Variants in SYNJ2BP observed in about 807,000 individuals in gnomAD.
SYNJ2BP encodes synaptojanin-2-binding protein.
SYNJ2BP carries 10 observed loss-of-function variants against 16.9 expected under a neutral mutation model. The ratio of observed to expected loss-of-function variants is 0.59; its 90% CI spans 0.36 to 1.00. SYNJ2BP has a LOEUF of 1.00. Ranked by LOEUF, SYNJ2BP falls within the 50% of genes least tolerant of loss-of-function variation. The pLI is 0.01. For synonymous variants in SYNJ2BP, 54 were observed against 68.4 expected, an observed-to-expected ratio of 0.79 and a Z score of 1.04; for missense variants, 162 against 186.7, an observed-to-expected ratio of 0.87 and a Z score of 0.77.
intron 1 of SYNJ2BP, among the ~76,000 whole-genome samples, chr14:70,400,071 A>G (rs1383968509): frequency 6.6e-6 from 1 of 152,236 alleles, no homozygotes; most frequent in Non-Finnish European, 1.5e-5. Context: ...CAAAAAGTCA[A>G]AAAGGATTAT....
chr14:70,385,122 G>C (rs1162437977), intron 2 of SYNJ2BP, among the ~76,000 whole-genome samples: 2 of 151,820 alleles, frequency 1.3e-5, no homozygotes, highest in Non-Finnish European at 2.9e-5. Flanking sequence ...TATAAATTTA[G>C]ACATCTACTT....
At chr14:70,397,408 A>G (rs1888124121) in intron 1 of SYNJ2BP, among the ~76,000 whole-genome samples, 1 of 152,270 alleles carries the variant, frequency 6.6e-6, no homozygotes, top group East Asian at 1.9e-4. Flanking sequence ...AAAATGGTCT[A>G]CTTCTCCAGA....
chr14:70,388,600 C>A lies in SYNJ2BP; in HGVS notation c.71G>T (p.Gly24Val). The change falls in exon 2 of 4, where the codon GGC (glycine) becomes GTC (valine). Residue 24 changes from glycine to valine, a missense_variant. Gly to Val is a moderately radical substitution (Grantham distance 109, BLOSUM62 -3). Transcript: ENST00000256366. ...INLTRGPSGL[G>V]FNIVGGTDQQ... ...ATCTGTCCCACCGACGATGTTGAAG[C>A]CCAGCCCTGAGAAAATCATGGAGGA... 2 of 1,512,820 alleles carry A rather than the reference C, an allele frequency of 1.3e-6. No homozygotes were observed. Among genetic ancestry groups the A allele is most frequent in the Admixed American group, 2.2e-5 (1 of 46,182 alleles). 93.7% of individuals were successfully genotyped at this position (1,512,820 alleles called of 1,614,324 possible).
intron 1 of SYNJ2BP, among the ~76,000 whole-genome samples, chr14:70,388,899 G>A (rs569785038): frequency 6.6e-6 from 1 of 151,468 alleles, no homozygotes; most frequent in African/African-American, 2.4e-5. Flanking sequence ...GAATAATGGT[G>A]ATTACTCTAA....
At chr14:70,396,574 G>GTTTA (rs1566621049) in intron 1 of SYNJ2BP, among the ~76,000 whole-genome samples, 10 of 86,650 alleles carry the variant, frequency 1.2e-4, no homozygotes, top group Non-Finnish European at 1.9e-4. Flanking sequence ...AATGATATGT[G>GTTTA]TGTATGTATG....
At chr14:70,406,305 A>T (rs1481564699) in intron 1 of SYNJ2BP, among the ~76,000 whole-genome samples, 1 of 152,190 alleles carries the variant, frequency 6.6e-6, no homozygotes, top group Non-Finnish European at 1.5e-5. Context: ...GAAAATTATG[A>T]TGGTGAAAGA....
At chr14:70,377,486 T>C (rs1384399032) in intron 2 of SYNJ2BP, among the ~76,000 whole-genome samples, 1 of 152,180 alleles carries the variant, frequency 6.6e-6, no homozygotes, top group Non-Finnish European at 1.5e-5. Flanking sequence ...CAGACCTTTT[T>C]CCACCACCGT....
At chr14:70,397,122 G>T (rs1373371567) in intron 1 of SYNJ2BP, among the ~76,000 whole-genome samples, 3 of 152,144 alleles carry the variant, frequency 2.0e-5, no homozygotes, top group Non-Finnish European at 4.4e-5. Flanking sequence ...TTACATTTAG[G>T]TATTTAATAA....
chr14:70,409,808 T>C (rs1455930875), intron 1 of SYNJ2BP, among the ~76,000 whole-genome samples: 1 of 152,218 alleles, frequency 6.6e-6, no homozygotes, highest in East Asian at 1.9e-4. Flanking sequence ...ACTGCTTCTC[T>C]TTATTTAAAA....
intron 1 of SYNJ2BP, among the ~76,000 whole-genome samples, chr14:70,402,773 T>C (rs1282622969): frequency 6.6e-6 from 1 of 152,186 alleles, no homozygotes; most frequent in Non-Finnish European, 1.5e-5. Context: ...TTGAAGTCAG[T>C]AATCTAATCA....
chr14:70,388,407 GA>G (rs891555364), intron 2 of SYNJ2BP, 62 bp downstream of exon 2: 5 of 1,412,882 alleles, frequency 3.5e-6, no homozygotes, highest in Non-Finnish European at 3.7e-6. Flanking sequence ...AAGGGATAGG[GA>G]GGGGTAGGAC....
chr14:70,398,042 A>C (rs1005068973), intron 1 of SYNJ2BP, among the ~76,000 whole-genome samples: 3 of 152,210 alleles, frequency 2.0e-5, no homozygotes, highest in Non-Finnish European at 4.4e-5. Flanking sequence ...TTCAACTCTC[A>C]GCAGAGAGGG....
intron 2 of SYNJ2BP, among the ~76,000 whole-genome samples, chr14:70,379,268 C>CA (rs1251500536): frequency 6.6e-6 from 1 of 152,068 alleles, no homozygotes; most frequent in African/African-American, 2.4e-5. Flanking sequence ...CTTTACTGCT[C>CA]AAAAAACAAA....
intron 2 of SYNJ2BP, among the ~76,000 whole-genome samples, chr14:70,380,390 ATG>A (rs1887721173): frequency 6.6e-6 from 1 of 152,148 alleles, no homozygotes; most frequent in South Asian, 2.1e-4. Context: ...GAGGCCAGGC[ATG>A]GTGGCTCACA....
intron 1 of SYNJ2BP, among the ~76,000 whole-genome samples, chr14:70,389,228 AT>A (rs1210002081): frequency 6.6e-6 from 1 of 152,210 alleles, no homozygotes; most frequent in Non-Finnish European, 1.5e-5. Context: ...AAAAGAAGCT[AT>A]GCATTTTTAC....
At chr14:70,416,840 G>C (rs938769146) in intron 1 of SYNJ2BP, 60 bp downstream of exon 1, 2 of 1,611,304 alleles carry the variant, frequency 1.2e-6, no homozygotes, top group African/African-American at 2.7e-5. Flanking sequence ...CAGCAGCAGA[G>C]GTGTCTGCAA....
At chr14:70,411,814 A>T (rs1263049720) in intron 1 of SYNJ2BP, among the ~76,000 whole-genome samples, 1 of 152,160 alleles carries the variant, frequency 6.6e-6, no homozygotes, top group Non-Finnish European at 1.5e-5. Flanking sequence ...TTGCCCTCCC[A>T]CTAACTACCT....
At chr14:70,397,659 C>T (rs1249600586) in intron 1 of SYNJ2BP, among the ~76,000 whole-genome samples, 1 of 152,160 alleles carries the variant, frequency 6.6e-6, no homozygotes, top group East Asian at 1.9e-4. Context: ...ACCGTAGGGT[C>T]CCAAGGAGAA....
At chr14:70,411,463 G>C (rs940677396) in intron 1 of SYNJ2BP, among the ~76,000 whole-genome samples, 1 of 152,194 alleles carries the variant, frequency 6.6e-6, no homozygotes, top group Non-Finnish European at 1.5e-5. Context: ...GAAAGATTAA[G>C]TTTCCATACT....
Sources: allele counts gnomAD v4.1 joint callset (sites outside exome capture counted in the v4.1 genomes callset), GRCh38; gene constraint gnomAD v4.1.1; transcripts MANE v1.5; gene names NCBI Gene and HGNC (gene_info 2026-07-23, HGNC 2026-07-21).